Variants in MCTP1 observed in about 807,000 individuals in gnomAD.
MCTP1 encodes multiple C2 and transmembrane domain containing 1.
A neutral mutation model predicts 120.6 loss-of-function variants in MCTP1; 69 were observed. That is an observed-to-expected ratio of 0.57 (90% CI 0.47 to 0.70). The LOEUF (loss-of-function observed/expected upper bound fraction) is 0.70. MCTP1 is among the 30% of genes least tolerant of loss of function. MCTP1 has a pLI of 0.00. For synonymous variants in MCTP1, 529 were observed against 493.1 expected, an observed-to-expected ratio of 1.07 and a Z score of -0.96; for missense variants, 1,203 against 1,248.8, an observed-to-expected ratio of 0.96 and a Z score of 0.55.
At chr5:94,819,379 C>T (rs1785172135) in intron 17 of MCTP1, among the ~76,000 whole-genome samples, 1 of 152,092 alleles carries the variant, frequency 6.6e-6, no homozygotes, top group South Asian at 2.1e-4. Flanking sequence ...GATCCGATTG[C>T]CTCGGCCTCT....
chr5:95,243,778 G>A (rs1756438854), intron 1 of MCTP1, among the ~76,000 whole-genome samples: 1 of 152,154 alleles, frequency 6.6e-6, no homozygotes, highest in Non-Finnish European at 1.5e-5. Flanking sequence ...TTTGGTGATG[G>A]ATTGGAAGTG....
intron 19 of MCTP1, among the ~76,000 whole-genome samples, chr5:94,719,330 AATT>A (rs1760305223): frequency 6.6e-6 from 1 of 152,212 alleles, no homozygotes; most frequent in Non-Finnish European, 1.5e-5. Flanking sequence ...AAGGAATATA[AATT>A]ATTATATTAT....
At chr5:94,756,543 G>A (rs1769934824) in intron 19 of MCTP1, among the ~76,000 whole-genome samples, 1 of 152,178 alleles carries the variant, frequency 6.6e-6, no homozygotes, top group East Asian at 1.9e-4. Flanking sequence ...TAGGCGATAA[G>A]AATGAATTAT....
At chr5:94,813,004 T>C (rs1783771643) in intron 17 of MCTP1, among the ~76,000 whole-genome samples, 1 of 151,956 alleles carries the variant, frequency 6.6e-6, no homozygotes. Flanking sequence ...TTAAAAACAT[T>C]TGTGCTCCAA....
chr5:95,230,896 G>GA (rs1271758485), intron 1 of MCTP1, among the ~76,000 whole-genome samples: 1 of 151,880 alleles, frequency 6.6e-6, no homozygotes, highest in African/African-American at 2.4e-5. Flanking sequence ...AGCACATGCT[G>GA]AAAAAAACTT....
chr5:94,718,193 T>C (rs1215898530), intron 19 of MCTP1, among the ~76,000 whole-genome samples: 1 of 152,070 alleles, frequency 6.6e-6, no homozygotes, highest in East Asian at 1.9e-4. Flanking sequence ...AAAAGAGATC[T>C]CAGAAATAAG....
intron 19 of MCTP1, among the ~76,000 whole-genome samples, chr5:94,758,661 GAATA>G (rs1017950870): frequency 2.0e-5 from 3 of 152,098 alleles, no homozygotes; most frequent in African/African-American, 7.2e-5. Context: ...GAATATTTAT[GAATA>G]AATAAGAAAT....
intron 17 of MCTP1, among the ~76,000 whole-genome samples, chr5:94,850,251 C>A (rs1285213361): frequency 2.6e-5 from 4 of 152,122 alleles, no homozygotes; most frequent in Non-Finnish European, 2.9e-5. Flanking sequence ...GGTCACAATG[C>A]AAAGTAAAGT....
intron 2 of MCTP1, among the ~76,000 whole-genome samples, chr5:95,005,432 CA>C (rs1175004509): frequency 7.2e-5 from 11 of 152,062 alleles, no homozygotes; most frequent in Middle Eastern, 6.8e-3. Flanking sequence ...TGGGAGGGGC[CA>C]GGGGGTGGAA....
intron 19 of MCTP1, among the ~76,000 whole-genome samples, chr5:94,764,249 GC>G (rs1205000135): frequency 2.0e-5 from 3 of 152,038 alleles, no homozygotes; most frequent in Admixed American, 6.5e-5. Context: ...AATGCAGTCT[GC>G]CACAGACGCC....
At chr5:94,720,858 C>T (rs1271498967) in intron 19 of MCTP1, among the ~76,000 whole-genome samples, 1 of 152,110 alleles carries the variant, frequency 6.6e-6, no homozygotes, top group East Asian at 1.9e-4. Flanking sequence ...TAAACAGACA[C>T]TCATTAAGTA....
chr5:95,119,177 A>G (rs991154845), intron 1 of MCTP1, among the ~76,000 whole-genome samples: 3 of 152,220 alleles, frequency 2.0e-5, no homozygotes, highest in Non-Finnish European at 4.4e-5. Context: ...CTGAAATAAC[A>G]TCAAGCATCT....
chr5:95,039,409 G>A (rs1841931350), intron 1 of MCTP1, among the ~76,000 whole-genome samples: 1 of 152,204 alleles, frequency 6.6e-6, no homozygotes, highest in Non-Finnish European at 1.5e-5. Context: ...CTGAGTGCAA[G>A]TGTGTGCGAA....
intron 1 of MCTP1, among the ~76,000 whole-genome samples, chr5:95,026,142 TTTTTAA>T (rs1839216266): frequency 6.6e-6 from 1 of 152,138 alleles, no homozygotes; most frequent in African/African-American, 2.4e-5. Context: ...ATTCTTTTAA[TTTTTAA>T]TTTTAATTTT....
At chr5:94,904,998 A>C (rs1292114917) in intron 10 of MCTP1, among the ~76,000 whole-genome samples, 2 of 152,226 alleles carry the variant, frequency 1.3e-5, no homozygotes, top group Non-Finnish European at 2.9e-5. Flanking sequence ...ATGGAGAAAA[A>C]CAGAGCAGAA....
At chr5:94,947,575 T>TAG (rs1252999006) in intron 3 of MCTP1, among the ~76,000 whole-genome samples, 13 of 47,404 alleles carry the variant, frequency 2.7e-4, no homozygotes, top group Admixed American at 4.5e-4. Flanking sequence ...TATATATATA[T>TAG]ATAGAGAGAG....
intron 2 of MCTP1, among the ~76,000 whole-genome samples, chr5:94,994,620 G>T (rs1463866827): frequency 2.0e-5 from 3 of 152,092 alleles, no homozygotes; most frequent in Non-Finnish European, 4.4e-5. Context: ...TATGTTGAGG[G>T]GTGTGATGGT....
At chr5:95,075,020 T>C (rs554034518) in intron 1 of MCTP1, among the ~76,000 whole-genome samples, 7 of 152,330 alleles carry the variant, frequency 4.6e-5, no homozygotes, top group Middle Eastern at 6.8e-3. Flanking sequence ...TGGCAGAATA[T>C]TTTTTATTTG....
intron 1 of MCTP1, among the ~76,000 whole-genome samples, chr5:95,213,005 T>C (rs1562243449): frequency 6.6e-6 from 1 of 152,138 alleles, no homozygotes; most frequent in African/African-American, 2.4e-5. Flanking sequence ...TGTTGGAAAT[T>C]CTGGTCAGGT....
Sources: allele counts gnomAD v4.1 joint callset (sites outside exome capture counted in the v4.1 genomes callset), GRCh38; gene constraint gnomAD v4.1.1; transcripts MANE v1.5; gene names NCBI Gene and HGNC (gene_info 2026-07-23, HGNC 2026-07-21).